Variants in KCNH1 observed in about 807,000 individuals in gnomAD.
The protein encoded by KCNH1 is voltage-gated delayed rectifier potassium channel KCNH1.
KCNH1 carries 27 observed loss-of-function variants against 69.2 expected under a neutral mutation model. The observed-to-expected ratio is 0.39, with a 90% CI of 0.29 to 0.54. KCNH1 has a LOEUF of 0.54. Among genes scored for constraint, KCNH1 ranks in the 20% least tolerant of loss-of-function variants. KCNH1 has a pLI of 0.68. For missense variants in KCNH1, 798 were observed against 1,261.6 expected, an observed-to-expected ratio of 0.63 and a Z score of 5.57; for synonymous variants, 456 against 487.7, an observed-to-expected ratio of 0.93 and a Z score of 0.86.
chr1:210,750,621 C>A (rs1421348695), intron 10 of KCNH1, among the ~76,000 whole-genome samples: 1 of 152,070 alleles, frequency 6.6e-6, no homozygotes, highest in Admixed American at 6.6e-5. Context: ...ATCTCTTAAG[C>A]TGTAGGTGGT....
At chr1:210,917,223 GAGAGAGAGAA>G (rs1194860123) in intron 7 of KCNH1, among the ~76,000 whole-genome samples, 873 of 83,144 alleles carry the variant, frequency 0.01, 2 homozygotes, top group East Asian at 0.032. Flanking sequence ...GAGAGAGAGA[GAGAGAGAGAA>G]AGAAAGAAAG....
intron 7 of KCNH1, among the ~76,000 whole-genome samples, chr1:210,881,483 T>A (rs1686492443): frequency 6.6e-6 from 1 of 152,202 alleles, no homozygotes; most frequent in African/African-American, 2.4e-5. Flanking sequence ...TTAAACATAC[T>A]CTTACTATAC....
chr1:210,685,986 G>A (rs923594389), intron 10 of KCNH1, among the ~76,000 whole-genome samples: 4 of 152,198 alleles, frequency 2.6e-5, no homozygotes, highest in Admixed American at 6.5e-5. Context: ...CAGGTGGATG[G>A]ATGGTTAAAT....
chr1:210,810,671 G>A (rs1180068489), intron 7 of KCNH1, among the ~76,000 whole-genome samples: 2 of 151,856 alleles, frequency 1.3e-5, no homozygotes, highest in African/African-American at 4.8e-5. Context: ...TTGTCTGAAT[G>A]TTCCTTTTTA....
chr1:210,715,036 C>T (rs1682192528), intron 10 of KCNH1, among the ~76,000 whole-genome samples: 1 of 152,182 alleles, frequency 6.6e-6, no homozygotes, highest in Admixed American at 6.5e-5. Context: ...GGGCATGCAG[C>T]CAGGCCTGCA....
chr1:210,943,379 C>T (rs953016256), intron 6 of KCNH1, among the ~76,000 whole-genome samples: 1 of 151,510 alleles, frequency 6.6e-6, no homozygotes, highest in African/African-American at 2.4e-5. Flanking sequence ...GATGGAGTCT[C>T]TCTCTGTTGC....
intron 5 of KCNH1, among the ~76,000 whole-genome samples, chr1:211,079,830 A>C (rs1690816799): frequency 6.6e-6 from 1 of 152,178 alleles, no homozygotes; most frequent in Admixed American, 6.5e-5. Flanking sequence ...AAATAATAAG[A>C]GCTATTTATG....
chr1:210,939,041 T>C (rs17188727), intron 6 of KCNH1, among the ~76,000 whole-genome samples: 2,904 of 152,244 alleles, frequency 0.019, 41 homozygotes, highest in South Asian at 0.057. Context: ...ACACTAACAA[T>C]TGCCTCTCTG....
At chr1:210,904,828 T>C (rs1687069776) in intron 7 of KCNH1, among the ~76,000 whole-genome samples, 1 of 152,198 alleles carries the variant, frequency 6.6e-6, no homozygotes, top group Non-Finnish European at 1.5e-5. Context: ...ACTCTGCCAA[T>C]GAAATAGAGC....
intron 9 of KCNH1, among the ~76,000 whole-genome samples, chr1:210,783,550 G>T (rs1369564041): frequency 6.6e-6 from 1 of 152,156 alleles, no homozygotes; most frequent in Admixed American, 6.5e-5. Context: ...AGGGATGTGT[G>T]CAATTTCAGA....
At chr1:211,076,491 C>A (rs1461999557) in intron 5 of KCNH1, among the ~76,000 whole-genome samples, 1 of 152,226 alleles carries the variant, frequency 6.6e-6, no homozygotes, top group Non-Finnish European at 1.5e-5. Context: ...CTCCAGCAAA[C>A]TCCAACAGAC....
chr1:211,010,266 A>G lies in KCNH1; in HGVS notation c.1032+8517T>C, dbSNP rs186997980. Among the ~76,000 whole-genome samples the G allele has an allele frequency of 1.3e-4, 20 of 152,226 alleles. No homozygotes were observed. The East Asian group carries it at 3.9e-3, about 29-fold the overall frequency. ...AGTGCACTAGTGGAGGTGACAGCCC[A>G]ATCACAGTAGGTTCAAGGAATGGGA... On this transcript the variant is annotated intron_variant, in intron 6 of 10. Transcript: ENST00000271751.
intron 6 of KCNH1, among the ~76,000 whole-genome samples, chr1:210,960,314 G>A (rs116264148): frequency 0.012 from 1,872 of 152,030 alleles, 44 homozygotes; most frequent in African/African-American, 0.043. Context: ...AATTTACTGA[G>A]GTACAGTAAT....
At chr1:210,782,170 G>A (rs1329501481) in intron 9 of KCNH1, among the ~76,000 whole-genome samples, 1 of 152,174 alleles carries the variant, frequency 6.6e-6, no homozygotes, top group Non-Finnish European at 1.5e-5. Context: ...ACCCAGCACT[G>A]TCTCCGGTAC....
At chr1:211,034,173 G>A (rs757585672) in intron 5 of KCNH1, among the ~76,000 whole-genome samples, 11 of 152,042 alleles carry the variant, frequency 7.2e-5, no homozygotes, top group Non-Finnish European at 1.6e-4. Context: ...GGCCAAAACC[G>A]GAAACAATCC....
intron 5 of KCNH1, among the ~76,000 whole-genome samples, chr1:211,057,176 T>C (rs1389730904): frequency 4.6e-5 from 7 of 152,114 alleles, no homozygotes; most frequent in Non-Finnish European, 2.9e-5. Context: ...ACTTAATAGA[T>C]TAAATAATTT....
chr1:210,888,312 G>A (rs186403581), intron 7 of KCNH1, among the ~76,000 whole-genome samples: 3 of 152,028 alleles, frequency 2.0e-5, no homozygotes, highest in Non-Finnish European at 4.4e-5. Flanking sequence ...ATGACTACCG[G>A]GTAAACAACA....
chr1:210,798,200 C>A (rs917823651), intron 8 of KCNH1, among the ~76,000 whole-genome samples: 1 of 151,474 alleles, frequency 6.6e-6, no homozygotes, highest in Middle Eastern at 3.2e-3. Context: ...CCACCACACC[C>A]AGCTAATTTT....
At chr1:210,784,850 G>A (rs558479572) in intron 9 of KCNH1, among the ~76,000 whole-genome samples, 4 of 152,176 alleles carry the variant, frequency 2.6e-5, no homozygotes, top group African/African-American at 4.8e-5. Context: ...AAGATTATAT[G>A]CCAGGTTCCA....
Sources: gnomAD v4.1 joint callset for allele counts (sites outside exome capture counted in the v4.1 genomes callset) on GRCh38, gnomAD v4.1.1 for gene constraint, MANE v1.5 for transcripts, NCBI Gene and HGNC (gene_info 2026-07-23, HGNC 2026-07-21) for gene names.